COG5: variants seen among roughly 807,000 people sequenced by gnomAD.
The protein encoded by COG5 is conserved oligomeric Golgi complex subunit 5.
Under a neutral mutation model 110.4 loss-of-function variants are expected in COG5, and 86 were observed. That is an observed-to-expected ratio of 0.78 (90% confidence interval 0.65 to 0.93). The LOEUF (loss-of-function observed/expected upper bound fraction) is 0.93, where lower values mean the gene tolerates loss of function less well. Ranked by LOEUF, COG5 falls within the 40% of genes least tolerant of loss-of-function variation. COG5 has a pLI of 0.00. For synonymous variants in COG5, 360 were observed against 334.6 expected, an observed-to-expected ratio of 1.08 and a Z score of -0.83; for missense variants, 1,077 against 987.0, an observed-to-expected ratio of 1.09 and a Z score of -1.22.
At chr7:107,209,761 G>A (rs1799029698) in intron 21 of COG5, 3 of 947,668 alleles carry the variant, frequency 3.2e-6, no homozygotes, top group Non-Finnish European at 3.8e-6. Flanking sequence ...GGCCTACCAT[G>A]CTGATAAAAT....
intron 7 of COG5, among the ~76,000 whole-genome samples, chr7:107,385,669 A>G (rs1337337735): frequency 6.6e-6 from 1 of 152,234 alleles, no homozygotes; most frequent in Non-Finnish European, 1.5e-5. Context: ...AGATTCATAA[A>G]GACACAAAGT....
chr7:107,373,362 G>A (rs892159833), intron 7 of COG5, among the ~76,000 whole-genome samples: 14 of 152,024 alleles, frequency 9.2e-5, no homozygotes, highest in Admixed American at 9.2e-4. Flanking sequence ...ACAGAATAAC[G>A]GGTAGTAACA....
chr7:107,384,952 T>C (rs920298772), intron 7 of COG5, among the ~76,000 whole-genome samples: 2 of 152,224 alleles, frequency 1.3e-5, no homozygotes, highest in South Asian at 2.1e-4. Context: ...GTAGAAGACA[T>C]AGTGAGTTGA....
chr7:107,486,786 C>A (rs1797679383), intron 6 of COG5, among the ~76,000 whole-genome samples: 1 of 152,048 alleles, frequency 6.6e-6, no homozygotes, highest in Admixed American at 6.6e-5. Flanking sequence ...ATGGATTATT[C>A]ATTAAGTAGT....
chr7:107,324,517 C>T lies in COG5; in HGVS notation c.1031G>A (p.Gly344Glu). The change falls in exon 11 of 22, where the codon GGA becomes GAA. Residue 344 changes from glycine (G) to glutamate (E), a missense_variant. Transcript: ENST00000297135. ...ICFIEEIVKD[G>E]QPEIFYTFWN... is the part of the protein sequence containing the mutation. ...AAATGTGTAGAAAATTTCCGGTTGT[C>T]CATCCTGTGAAGAACAAACAAAAAT... 1.9e-6 allele frequency: 3 copies of T among 1,599,730 alleles called. No homozygotes were observed. The highest frequency in any genetic ancestry group is 2.6e-6 in the Non-Finnish European group (3 of 1,171,706).
At chr7:107,396,788 T>C (rs1791049111) in intron 7 of COG5, among the ~76,000 whole-genome samples, 1 of 152,146 alleles carries the variant, frequency 6.6e-6, no homozygotes, top group Non-Finnish European at 1.5e-5. Context: ...CAGAATAACA[T>C]ATTCCAAGTC....
At chr7:107,263,598 G>C (rs1243921975) in intron 14 of COG5, among the ~76,000 whole-genome samples, 1 of 152,032 alleles carries the variant, frequency 6.6e-6, no homozygotes, top group Admixed American at 6.6e-5. Context: ...CACACACAAG[G>C]AATGAGAGGG....
At chr7:107,384,730 C>T (rs78911097) in intron 7 of COG5, among the ~76,000 whole-genome samples, 4 of 152,250 alleles carry the variant, frequency 2.6e-5, no homozygotes, top group African/African-American at 9.6e-5. Context: ...ACTCTGTCTG[C>T]CATGGCAGGA....
At chr7:107,208,657 C>A in intron 21 of COG5, 2 of 985,502 alleles carry the variant, frequency 2.0e-6, no homozygotes, top group Non-Finnish European at 2.4e-6. Flanking sequence ...GGAACATTCA[C>A]CGGGGCTGGT....
chr7:107,549,922 C>A (rs1201681352), intron 3 of COG5, among the ~76,000 whole-genome samples: 4 of 152,144 alleles, frequency 2.6e-5, no homozygotes, highest in South Asian at 2.1e-4. Context: ...CACACACACA[C>A]ATATACAGAC....
At chr7:107,306,917 A>G (rs1433168461) in intron 11 of COG5, among the ~76,000 whole-genome samples, 4 of 151,942 alleles carry the variant, frequency 2.6e-5, no homozygotes, top group Non-Finnish European at 5.9e-5. Context: ...TTTCATCCCA[A>G]CTCATCTCCT....
intron 6 of COG5, among the ~76,000 whole-genome samples, chr7:107,434,969 TAAA>T (rs1240287746): frequency 1.5e-5 from 2 of 136,652 alleles, no homozygotes; most frequent in Admixed American, 7.3e-5. Flanking sequence ...GACTCCGTCT[TAAA>T]AAAAAAAAAA....
chr7:107,298,847 C>T (rs1305955630), intron 11 of COG5, among the ~76,000 whole-genome samples: 2 of 151,986 alleles, frequency 1.3e-5, no homozygotes, highest in African/African-American at 2.4e-5. Context: ...GTTCTCTAAC[C>T]AAAATAGTTT....
rs573354303 is a variant in COG5 at position 107,344,776 on chromosome 7, G to A, written c.1026+17257C>T. Among the ~76,000 whole-genome samples the A allele has an allele frequency of 5.3e-5, 8 of 152,228 alleles. No individual in the cohort carries two copies. The South Asian group carries it at 1.2e-3, about 24-fold the overall frequency. On this transcript the variant is annotated intron_variant, in intron 10 of 21. Transcript: ENST00000297135. ...CAACCTCAGGTGATTCACCCACCTC[G>A]GCCTCCCAAAGTGCCGGGATTACAG... is the stretch of plus-strand genomic sequence containing the variant.
chr7:107,550,308 C>A lies in COG5; in HGVS notation c.293-1976G>T, dbSNP rs190857429. 5.3e-5 allele frequency among the ~76,000 whole-genome samples: 8 copies of A among 151,166 alleles called. No individual in the cohort carries two copies. The East Asian group carries it at 1.5e-3, about 29-fold the overall frequency. On this transcript the variant is annotated intron_variant, in intron 3 of 21. Coordinates refer to ENST00000297135, the MANE Select transcript of COG5 (RefSeq NM_006348.5). ...TTCAACTATTCTAATAGCTTCCAAACCAGTGTCCCTGATTCCACCATTGCC... is the reference window on the plus strand; with the variant it reads ...TTCAACTATTCTAATAGCTTCCAAAACAGTGTCCCTGATTCCACCATTGCC...
At chr7:107,497,266 A>G (rs1394355023) in intron 6 of COG5, among the ~76,000 whole-genome samples, 3 of 152,172 alleles carry the variant, frequency 2.0e-5, no homozygotes, top group Non-Finnish European at 4.4e-5. Context: ...CTGCTCCACC[A>G]AAACTTCTAT....
At chr7:107,260,230 A>T (rs1411138596) in intron 14 of COG5, among the ~76,000 whole-genome samples, 1 of 152,204 alleles carries the variant, frequency 6.6e-6, no homozygotes, top group Non-Finnish European at 1.5e-5. Flanking sequence ...GCAATGGAAC[A>T]TTACTTAGCA....
At chr7:107,518,792 C>A (rs563177580) in intron 6 of COG5, among the ~76,000 whole-genome samples, 52 of 152,286 alleles carry the variant, frequency 3.4e-4, no homozygotes, top group African/African-American at 1.3e-3. Context: ...CTTGAACTCA[C>A]TCTGGATCAA....
intron 15 of COG5, 89 bp from the exon 16 acceptor site, chr7:107,256,883 C>A: frequency 1.2e-6 from 1 of 862,846 alleles, no homozygotes; most frequent in East Asian, 2.6e-5. Context: ...AAGCTGTTTC[C>A]ACAAAGTATA....
Sources: gnomAD v4.1 joint callset for allele counts (sites outside exome capture counted in the v4.1 genomes callset) on GRCh38, gnomAD v4.1.1 for gene constraint, MANE v1.5 for transcripts, NCBI Gene and HGNC (gene_info 2026-07-23, HGNC 2026-07-21) for gene names.